AIG1: variants seen among roughly 807,000 people sequenced by gnomAD.
The protein encoded by AIG1 is androgen induced 1, also known as androgen-induced gene 1 protein.
Under a neutral mutation model 31.4 loss-of-function variants are expected in AIG1, and 23 were observed. The observed-to-expected ratio is 0.73, with a 90% CI of 0.53 to 1.04. The LOEUF (loss-of-function observed/expected upper bound fraction) is 1.04. Ranked by LOEUF, AIG1 falls within the 50% of genes least tolerant of loss-of-function variation. The pLI is 0.00. For synonymous variants in AIG1, 100 were observed against 110.5 expected (o/e 0.90, Z 0.60); for missense variants, 274 against 295.0 (o/e 0.93, Z 0.52).
rs184727968 is a variant in AIG1, at chr6:143,330,042, C to T, written c.516-3240C>T. Among the ~76,000 whole-genome samples, 14 of 152,070 alleles carry T rather than the reference C, an allele frequency of 9.2e-5. No individual in the cohort carries two copies. The highest frequency in any genetic ancestry group is 8.5e-4 in the Admixed American group (13 of 15,266). On this transcript the variant is annotated intron_variant, in intron 4 of 5. Coordinates refer to ENST00000357847, the MANE Select transcript of AIG1 (RefSeq NM_016108.4). The surrounding 1 kb of genome is among the most constrained non-coding windows in gnomAD (Gnocchi z 4.4). Reference sequence around the variant, plus strand: ...TTAAAAAAAATTCATAAGTTATTGGCGAAGTGCCTGCCATATAGTAATGGC... The same window carrying T: ...TTAAAAAAAATTCATAAGTTATTGGTGAAGTGCCTGCCATATAGTAATGGC...
rs9373389 is a variant in AIG1, at chr6:143,330,212, T to C, written c.516-3070T>C. Among the ~76,000 whole-genome samples, 54,055 of 151,956 alleles carry C rather than the reference T, an allele frequency of 0.36. 10,517 individuals carry two copies. Among genetic ancestry groups the C allele is most frequent in the East Asian group, 0.66 (3,424 of 5,172 alleles). ...AATTGGACAAAATTCCTTTGCTCAT[T>C]GAATAGACAATAAACAGACAAATAA... On this transcript the variant is annotated intron_variant, in intron 4 of 5. Transcript: ENST00000357847. The surrounding 1 kb of genome is among the most constrained non-coding windows in gnomAD (Gnocchi z 4.4).
At chr6:143,149,441 G>A (rs1326775309) in intron 2 of AIG1, among the ~76,000 whole-genome samples, 1 of 150,734 alleles carries the variant, frequency 6.6e-6, no homozygotes, top group Admixed American at 6.6e-5. Flanking sequence ...GCAGGAGAAT[G>A]GTGTGAACCC....
chr6:143,189,882 A>G (rs948656578), intron 3 of AIG1: 28 of 893,872 alleles, frequency 3.1e-5, no homozygotes, highest in Non-Finnish European at 3.5e-5. Context: ...TATAAACAAC[A>G]TAAATTTATT....
In AIG1 at chr6:143,334,117, G is replaced by A; in HGVS notation, c.679+672G>A. On this transcript the variant is annotated intron_variant, in intron 5 of 5. Coordinates refer to ENST00000357847, the MANE Select transcript of AIG1 (RefSeq NM_016108.4). The surrounding 1 kb of genome is among the most constrained non-coding windows in gnomAD (Gnocchi z 5.1). ...CAAGGCACGTAATCTTATCCAAGCT[G>A]TGCAAAACCTGTCCAAAGTGTATGT... 1 of 1,549,862 alleles carries A rather than the reference G, an allele frequency of 6.5e-7. No individual in the cohort carries two copies. The highest frequency in any genetic ancestry group is 8.7e-7 in the Non-Finnish European group (1 of 1,146,536).
downstream of AIG1, chr6:143,342,449 A>G: frequency 1.3e-6 from 1 of 767,610 alleles, no homozygotes; most frequent in Non-Finnish European, 2.4e-6. Flanking sequence ...CAGACACGGC[A>G]ACAAGTGGTG....
At chr6:143,162,303 G>A (rs1379709461) in intron 2 of AIG1, among the ~76,000 whole-genome samples, 1 of 152,150 alleles carries the variant, frequency 6.6e-6, no homozygotes, top group Non-Finnish European at 1.5e-5. Flanking sequence ...TGATCTTCAT[G>A]GATTGGAAAA....
Position 143,333,938 on chromosome 6 carries a change from G to A in AIG1, c.679+493G>A, listed in dbSNP as rs375243303. On this transcript the variant is annotated intron_variant, in intron 5 of 5. Coordinates refer to ENST00000357847, the MANE Select transcript of AIG1 (RefSeq NM_016108.4). The surrounding 1 kb of genome is among the most constrained non-coding windows in gnomAD (Gnocchi z 4.6). ...CTATCTAAGCAGTGTGTGATGCTCCGGCCACCTTGACTCACCAGTGGCTGT... is the reference window on the plus strand; with the variant it reads ...CTATCTAAGCAGTGTGTGATGCTCCAGCCACCTTGACTCACCAGTGGCTGT... The A allele has an allele frequency of 7.6e-5, 63 of 823,720 alleles. 2 individuals are homozygous for A. Among genetic ancestry groups the A allele is most frequent in the South Asian group, 7.0e-4 (41 of 58,634 alleles). 51.0% of individuals were successfully genotyped at this position (823,720 alleles called of 1,614,324 possible).
At chr6:143,323,742 A>C (rs544428207) in intron 4 of AIG1, among the ~76,000 whole-genome samples, 1 of 152,210 alleles carries the variant, frequency 6.6e-6, no homozygotes, top group Admixed American at 6.5e-5. Flanking sequence ...ACAGCCACGC[A>C]ATCCCCACTG....
intron 1 of AIG1, among the ~76,000 whole-genome samples, chr6:143,069,462 G>A (rs1042890000): frequency 6.6e-6 from 1 of 152,100 alleles, no homozygotes; most frequent in African/African-American, 2.4e-5. Flanking sequence ...TCCACAGATG[G>A]GAACTCATAT....
chr6:143,342,235 G>C (rs560327453), downstream of AIG1: 27 of 679,300 alleles, frequency 4.0e-5, no homozygotes, highest in South Asian at 4.0e-4. Flanking sequence ...AAATTTTCTT[G>C]TAGTGGGAAA....
chr6:143,156,428 A>G (rs1356504696), intron 2 of AIG1, among the ~76,000 whole-genome samples: 1 of 152,238 alleles, frequency 6.6e-6, no homozygotes, highest in Non-Finnish European at 1.5e-5. Flanking sequence ...TGCATTTTAC[A>G]TGCATAGAAA....
chr6:143,166,742 C>G, intron 3 of AIG1, among the ~76,000 whole-genome samples: 1 of 152,000 alleles, frequency 6.6e-6, no homozygotes, highest in East Asian at 1.9e-4. Flanking sequence ...TTTTTTGTGC[C>G]AGGCACTCTA....
intron 3 of AIG1, among the ~76,000 whole-genome samples, chr6:143,206,107 C>A (rs1791087889): frequency 6.6e-6 from 1 of 152,174 alleles, no homozygotes; most frequent in South Asian, 2.1e-4. Context: ...TGTATAGACA[C>A]ACTGTCAGAT....
chr6:143,236,878 A>G (rs145900214), intron 3 of AIG1, among the ~76,000 whole-genome samples: 2 of 152,320 alleles, frequency 1.3e-5, no homozygotes, highest in East Asian at 1.9e-4. Context: ...CAACCATAGT[A>G]GCAATTATAT....
At chr6:143,337,678 T>C (rs754971790) in intron 5 of AIG1, among the ~76,000 whole-genome samples, 1 of 152,158 alleles carries the variant, frequency 6.6e-6, no homozygotes, top group Non-Finnish European at 1.5e-5. Flanking sequence ...AGGAGACGTC[T>C]ATGTGTGCAG....
At chr6:143,285,202 C>T (rs931510255) in intron 4 of AIG1, among the ~76,000 whole-genome samples, 2 of 151,950 alleles carry the variant, frequency 1.3e-5, no homozygotes, top group Non-Finnish European at 2.9e-5. Context: ...GTACCTGACA[C>T]ACTTTGCATA....
intron 3 of AIG1, among the ~76,000 whole-genome samples, chr6:143,277,324 C>T (rs1405445953): frequency 6.6e-6 from 1 of 152,136 alleles, no homozygotes; most frequent in Non-Finnish European, 1.5e-5. Flanking sequence ...TTCTTATTTA[C>T]AATATAGCTA....
At chr6:143,105,243 C>T (rs1296880527) in intron 1 of AIG1, among the ~76,000 whole-genome samples, 1 of 152,138 alleles carries the variant, frequency 6.6e-6, no homozygotes, top group African/African-American at 2.4e-5. Context: ...GTACATTACA[C>T]CACCACGGCC....
chr6:143,092,996 G>A (rs1208377478), intron 1 of AIG1, among the ~76,000 whole-genome samples: 1 of 152,176 alleles, frequency 6.6e-6, no homozygotes, highest in Non-Finnish European at 1.5e-5. Flanking sequence ...GCTGCAGTGA[G>A]CTGTGATTGC....
Sources: gnomAD v4.1 joint callset for allele counts (sites outside exome capture counted in the v4.1 genomes callset) on GRCh38, gnomAD v4.1.1 for gene constraint, Gnocchi (gnomAD v3.1) non-coding constraint, MANE v1.5 for transcripts, NCBI Gene and HGNC (gene_info 2026-07-23, HGNC 2026-07-21) for gene names.